CNTNAP2: variants seen among roughly 807,000 people sequenced by gnomAD.
CNTNAP2 encodes contactin associated protein 2.
CNTNAP2 carries 98 observed loss-of-function variants against 155.2 expected under a neutral mutation model. That is an observed-to-expected ratio of 0.63 (90% CI 0.54 to 0.75). CNTNAP2 has a LOEUF of 0.75. CNTNAP2 is among the 30% of genes least tolerant of loss of function. The pLI is 0.00. For missense variants in CNTNAP2, 1,727 were observed against 1,688.1 expected (o/e 1.02, Z -0.40); for synonymous variants, 651 against 631.2 (o/e 1.03, Z -0.47).
chr7:147,113,180 G>A (rs771854609), intron 5 of CNTNAP2, among the ~76,000 whole-genome samples: 1 of 151,806 alleles, frequency 6.6e-6, no homozygotes, highest in Non-Finnish European at 1.5e-5. Flanking sequence ...GCATAGAGGT[G>A]TTCATAGCAT....
chr7:147,801,876 G>A (rs1313539961), intron 13 of CNTNAP2, among the ~76,000 whole-genome samples: 2 of 151,062 alleles, frequency 1.3e-5, no homozygotes, highest in South Asian at 2.1e-4. Flanking sequence ...GGGCAGAGGG[G>A]CTCCTCACTT....
chr7:148,002,393 C>A (rs950927915), intron 15 of CNTNAP2, among the ~76,000 whole-genome samples: 2 of 152,044 alleles, frequency 1.3e-5, no homozygotes, highest in Admixed American at 6.6e-5. Context: ...TTATCTATGA[C>A]CCTCATTGCT....
intron 20 of CNTNAP2, among the ~76,000 whole-genome samples, chr7:148,265,962 C>T (rs1796660423): frequency 6.6e-6 from 1 of 152,216 alleles, no homozygotes; most frequent in African/African-American, 2.4e-5. Flanking sequence ...TAGCTTCCAG[C>T]ATCTTTGCTC....
chr7:146,628,397 T>G lies in CNTNAP2; in HGVS notation c.98-145874T>G, dbSNP rs1203564637. On this transcript the variant is annotated intron_variant, in intron 1 of 23. Transcript: ENST00000361727. Reference sequence around the variant, plus strand: ...GTAGTTGATCAAATGATATAATATTTTAATTAAATAGAGATGTTTAAGAGA... The same window carrying G: ...GTAGTTGATCAAATGATATAATATTGTAATTAAATAGAGATGTTTAAGAGA... 2.0e-5 allele frequency among the ~76,000 whole-genome samples: 3 copies of G among 152,098 alleles called. No individual in the cohort carries two copies. In the East Asian group the frequency reaches 5.8e-4, roughly 29 times the overall value.
chr7:148,216,455 TAC>T (rs1795639582), intron 18 of CNTNAP2, among the ~76,000 whole-genome samples: 1 of 152,212 alleles, frequency 6.6e-6, no homozygotes, highest in South Asian at 2.1e-4. Context: ...GTAAACCCTA[TAC>T]ACAAAGTCTC....
At chr7:146,772,424 C>T (rs1051545143) in intron 1 of CNTNAP2, among the ~76,000 whole-genome samples, 13 of 149,194 alleles carry the variant, frequency 8.7e-5, no homozygotes, top group Non-Finnish European at 1.6e-4. Context: ...TTTGGGAGGC[C>T]GAGGCGAGCA....
At chr7:147,908,901 T>C (rs1337864950) in intron 14 of CNTNAP2, among the ~76,000 whole-genome samples, 1 of 152,174 alleles carries the variant, frequency 6.6e-6, no homozygotes, top group South Asian at 2.1e-4. Flanking sequence ...GTGATCTAAG[T>C]CAGGATATTT....
At chr7:147,594,138 T>C (rs1460083169) in intron 12 of CNTNAP2, among the ~76,000 whole-genome samples, 1 of 149,834 alleles carries the variant, frequency 6.7e-6, no homozygotes, top group East Asian at 2.0e-4. Flanking sequence ...TTTTTTTTTT[T>C]TTTTTTGAGA....
intron 21 of CNTNAP2, among the ~76,000 whole-genome samples, chr7:148,371,544 G>A (rs1157576698): frequency 6.6e-6 from 1 of 152,104 alleles, no homozygotes; most frequent in Non-Finnish European, 1.5e-5. Flanking sequence ...ATGATTAAAT[G>A]TAGGCTTGGA....
At chr7:146,929,185 C>T (rs956754579) in intron 3 of CNTNAP2, among the ~76,000 whole-genome samples, 2 of 151,460 alleles carry the variant, frequency 1.3e-5, no homozygotes, top group Non-Finnish European at 2.9e-5. Context: ...TGGGAGGCAC[C>T]CCCCAGTAGG....
intron 15 of CNTNAP2, among the ~76,000 whole-genome samples, chr7:148,117,758 C>A (rs916178523): frequency 2.0e-5 from 3 of 151,726 alleles, no homozygotes; most frequent in African/African-American, 7.3e-5. Context: ...TTGGTAGGAA[C>A]CCCAACTATA....
intron 2 of CNTNAP2, among the ~76,000 whole-genome samples, chr7:146,797,742 T>TGA (rs1223675099): frequency 6.6e-6 from 1 of 152,250 alleles, no homozygotes; most frequent in Non-Finnish European, 1.5e-5. Context: ...AAGGAAGGTT[T>TGA]AGTTCTCACT....
chr7:146,337,333 T>C (rs1801294133), intron 1 of CNTNAP2, among the ~76,000 whole-genome samples: 1 of 151,926 alleles, frequency 6.6e-6, no homozygotes, highest in South Asian at 2.1e-4. Flanking sequence ...GTAAAGAGTG[T>C]TTTTAAAAGT....
chr7:147,561,671 T>C lies in CNTNAP2; in HGVS notation c.1778-467T>C, dbSNP rs188696801. Among the ~76,000 whole-genome samples, 6 of 152,226 alleles carry C rather than the reference T, an allele frequency of 3.9e-5. No homozygotes were observed. The East Asian group carries it at 1.2e-3, about 29-fold the overall frequency. ...ATTTATGGACAACTTGTACAAACTA[T>C]GCAAAAAATAAGTGTGCATGTGAGT... On this transcript the variant is annotated intron_variant, in intron 11 of 23. Transcript: ENST00000361727.
At chr7:146,268,950 G>A (rs1800036725) in intron 1 of CNTNAP2, among the ~76,000 whole-genome samples, 1 of 152,164 alleles carries the variant, frequency 6.6e-6, no homozygotes, top group Admixed American at 6.5e-5. Flanking sequence ...GGAGTGAAAA[G>A]CATAATTTAA....
chr7:147,954,914 C>G (rs1220365549), intron 14 of CNTNAP2, among the ~76,000 whole-genome samples: 1 of 152,142 alleles, frequency 6.6e-6, no homozygotes, highest in Admixed American at 6.5e-5. Flanking sequence ...GAAGAGATCT[C>G]TCTGATATTT....
intron 13 of CNTNAP2, among the ~76,000 whole-genome samples, chr7:147,894,508 G>C (rs1244417558): frequency 6.6e-6 from 1 of 152,066 alleles, no homozygotes; most frequent in Non-Finnish European, 1.5e-5. Context: ...GTGCTGCAAG[G>C]GTACCTGTTC....
intron 22 of CNTNAP2, among the ~76,000 whole-genome samples, chr7:148,386,613 T>C (rs1178690332): frequency 2.6e-5 from 4 of 152,066 alleles, no homozygotes; most frequent in African/African-American, 4.8e-5. Flanking sequence ...TGAGAGACAA[T>C]GTGGGTTGAG....
rs188349074 is a variant in CNTNAP2 at position 147,931,098 on chromosome 7, G to C, written c.2255+27377G>C. On this transcript the variant is annotated intron_variant, in intron 14 of 23. Transcript: ENST00000361727. ...AACAGCTGCATAAGAAAAGAAGAACGCAAATCAACAACCTAACATACCTCA... is the reference window on the plus strand; with the variant it reads ...AACAGCTGCATAAGAAAAGAAGAACCCAAATCAACAACCTAACATACCTCA... Among the ~76,000 whole-genome samples the C allele has an allele frequency of 3.5e-3, 527 of 150,970 alleles. 5 individuals are homozygous for C. The highest frequency in any genetic ancestry group is 0.012 in the African/African-American group (512 of 41,108).
Sources: allele counts gnomAD v4.1 joint callset (sites outside exome capture counted in the v4.1 genomes callset), GRCh38; gene constraint gnomAD v4.1.1; transcripts MANE v1.5; gene names NCBI Gene and HGNC (gene_info 2026-07-23, HGNC 2026-07-21).